The following CHRD variants were observed in gnomAD, a reference collection of about 807,000 sequenced individuals.
The protein encoded by CHRD is chordin.
A neutral mutation model predicts 113.7 loss-of-function variants in CHRD; 69 were observed. The ratio of observed to expected loss-of-function variants is 0.61; its 90% CI spans 0.50 to 0.74. The LOEUF (loss-of-function observed/expected upper bound fraction) is 0.74. Ranked by LOEUF, CHRD falls within the 30% of genes least tolerant of loss-of-function variation. CHRD has a pLI of 0.00. For synonymous variants in CHRD, 561 were observed against 540.8 expected (o/e 1.04, Z -0.52); for missense variants, 1,194 against 1,295.8 (o/e 0.92, Z 1.21).
chr3:184,384,530 C>T lies in CHRD; in HGVS notation c.1441-7C>T, dbSNP rs369795125. ...AGCTGAGAAGGCCTATCCTCCCCTG[C>T]CCCCAGGCCGTGGGTATCTGCCCTG... is the stretch of plus-strand genomic sequence containing the variant. On this transcript the variant is annotated splice_polypyrimidine_tract_variant and splice_region_variant and intron_variant, in intron 12 of 22. Transcript: ENST00000204604. The surrounding 1 kb of genome is among the most constrained non-coding windows in gnomAD (Gnocchi z 4.4). 4 of 1,516,982 alleles carry T rather than the reference C, an allele frequency of 2.6e-6. No individual in the cohort carries two copies. Among genetic ancestry groups the T allele is most frequent in the African/African-American group, 2.8e-5 (2 of 72,194 alleles). 94.0% of individuals were successfully genotyped at this position (1,516,982 alleles called of 1,614,324 possible). A position where few individuals can be genotyped will look rare whatever the true frequency, so the allele number is the denominator to read the frequency against.
intron 6 of CHRD, 100 bp downstream of exon 6, chr3:184,382,120 G>T: frequency 6.8e-7 from 1 of 1,474,876 alleles, no homozygotes; most frequent in Non-Finnish European, 9.4e-7. Context: ...CCCAGTGGGA[G>T]GAAGGCACTG....
Position 184,381,030 on chromosome 3 carries a change from A to T in CHRD, c.253-205A>T, listed in dbSNP as rs1387988083. On this transcript the variant is annotated intron_variant, in intron 2 of 22. Transcript: ENST00000204604. This position sits in a 1 kb window ranked among gnomAD's most constrained non-coding sequence, Gnocchi z 4.7. ...TTCGTTCCCTGCTCATCTAACTCTC[A>T]TGGCAGCCTTGCTAGATAGAGAGTA... The T allele has an allele frequency of 1.3e-6, 1 of 750,536 alleles. No homozygotes were observed. The highest frequency in any genetic ancestry group is 2.3e-6 in the Non-Finnish European group (1 of 429,438). The allele number at this position is 750,536 out of a possible 1,614,324, so 46.5% of individuals were successfully genotyped here.
Position 184,380,366 on chromosome 3 carries a change from G to T in CHRD, c.48G>T (p.Leu16=). 1 of 1,353,754 alleles carries T rather than the reference G, an allele frequency of 7.4e-7. No homozygotes were observed. The highest frequency in any genetic ancestry group is 2.7e-5 in the Admixed American group (1 of 36,388). The allele number at this position is 1,353,754 out of a possible 1,614,324, so 83.9% of individuals were successfully genotyped here. Reference sequence around the variant, plus strand: ...CGGCCCCGCTGCTGCTCCTCGGGCTGCTGCTGCTCGGCTCCCGGCCGGCCC... The same window carrying T: ...CGGCCCCGCTGCTGCTCCTCGGGCTTCTGCTGCTCGGCTCCCGGCCGGCCC... Residue 16 remains leucine, a synonymous_variant, in exon 1 of 23, where the codon CTG becomes CTT. Coordinates refer to ENST00000204604, the Ensembl canonical transcript of CHRD. This position sits in a 1 kb window ranked among gnomAD's most constrained non-coding sequence, Gnocchi z 6.3.
Position 184,387,433 on chromosome 3 carries a change from G to A in CHRD, c.2407G>A (p.Val803Met). 3.1e-6 allele frequency: 5 copies of A among 1,612,824 alleles called. No individual in the cohort carries two copies. The highest frequency in any genetic ancestry group is 4.2e-6 in the Non-Finnish European group (5 of 1,179,596). Residue 803 changes from valine (V) to methionine (M), a missense_variant, in exon 19 of 23, where the codon GTG (valine) becomes ATG (methionine). By Grantham distance (21) the Val-to-Met change is conservative. Transcript: ENST00000204604. This position sits in a 1 kb window ranked among gnomAD's most constrained non-coding sequence, Gnocchi z 6.1. ...AGCGGGTACGCGGTGGCACCCCGTT[G>A]TGCCCCCCTTTGGCTTAATTAAGTG...
rs560527903 is a variant in CHRD at position 184,387,723 on chromosome 3, C to T, written c.2452-208C>T. On this transcript the variant is annotated intron_variant, in intron 19 of 22. Transcript: ENST00000204604. The surrounding 1 kb of genome is among the most constrained non-coding windows in gnomAD (Gnocchi z 6.1). ...ACCCTAGGCACCTTCTGTCCCTGAG[C>T]CTCACTTTCCTCTCCTGTAAGCAGA... Among the ~76,000 whole-genome samples the T allele has an allele frequency of 2.0e-5, 3 of 152,206 alleles. No individual in the cohort carries two copies. The highest frequency in any genetic ancestry group is 4.4e-5 in the Non-Finnish European group (3 of 68,038).
chr3:184,386,640 G>A (rs1467309193), exon 16 of CHRD: 3 of 1,610,098 alleles, frequency 1.9e-6, no homozygotes, highest in East Asian at 2.2e-5. Context: ...GCCAAACCTG[G>A]TGGTCCTGGG....
At chr3:184,382,552 G>T (rs949070132) in intron 7 of CHRD, 22 bp downstream of exon 7, 8 of 1,613,220 alleles carry the variant, frequency 5.0e-6, no homozygotes, top group Non-Finnish European at 5.9e-6. Flanking sequence ...AGAGCCCCGG[G>T]CGTGAAGTTC....
Position 184,383,648 on chromosome 3 carries a change from G to A in CHRD, c.1440+6G>A. On this transcript the variant is annotated splice_donor_region_variant and intron_variant, in intron 12 of 22. Coordinates refer to ENST00000204604, the Ensembl canonical transcript of CHRD. ...TCCAGCCAGGAGGACACACGGTGAG[G>A]GCTCCAGGTGGAGCTGGACCCCAGG... The A allele has an allele frequency of 6.2e-7, 1 of 1,602,782 alleles. No homozygotes were observed. The highest frequency in any genetic ancestry group is 1.1e-5 in the South Asian group (1 of 89,304).
chr3:184,387,567 G>T lies in CHRD; in HGVS notation c.2451+90G>T, dbSNP rs764403202. On this transcript the variant is annotated intron_variant, in intron 19 of 22. Coordinates refer to ENST00000204604, the Ensembl canonical transcript of CHRD. The surrounding 1 kb of genome is among the most constrained non-coding windows in gnomAD (Gnocchi z 6.1). ...GCCAGGTGAGGAAGGCCCGTCCTTG[G>T]TGAGGAGGGCTCAAGAATCAAAACG... 2.1e-4 allele frequency: 255 copies of T among 1,201,032 alleles called. No individual in the cohort carries two copies. The highest frequency in any genetic ancestry group is 2.7e-4 in the Non-Finnish European group (235 of 871,592). 74.4% of individuals were successfully genotyped at this position (1,201,032 alleles called of 1,614,324 possible). A position where few individuals can be genotyped will look rare whatever the true frequency, so the allele number is the denominator to read the frequency against.
chr3:184,384,457 T>C lies in CHRD; in HGVS notation c.1441-80T>C. The C allele has an allele frequency of 2.9e-6, 4 of 1,356,158 alleles. No homozygotes were observed. The highest frequency in any genetic ancestry group is 3.8e-6 in the Non-Finnish European group (4 of 1,050,776). The allele number at this position is 1,356,158 out of a possible 1,614,324, so 84.0% of individuals were successfully genotyped here. ...TGTGTGGAAGTGTGTGTGGGTGGAG[T>C]GGGGGCACAAAATGGTCCAAGACTT... On this transcript the variant is annotated intron_variant, in intron 12 of 22. Transcript: ENST00000204604. This position sits in a 1 kb window ranked among gnomAD's most constrained non-coding sequence, Gnocchi z 4.4.
intron 15 of CHRD, 91 bp from the exon 16 acceptor site, chr3:184,386,401 G>A (rs1007418973): frequency 1.3e-6 from 2 of 1,495,512 alleles, no homozygotes; most frequent in Non-Finnish European, 1.8e-6. Context: ...GCGCTCAGGG[G>A]GCCGAGGTGT....
At chr3:184,382,514 C>T (rs1366128732) in exon 7 of CHRD, 5 of 1,613,808 alleles carry the variant, frequency 3.1e-6, no homozygotes, top group Non-Finnish European at 4.2e-6. Flanking sequence ...TCATCCGGCA[C>T]CGGGCCCTGG....
rs772526782 is a variant in CHRD at position 184,381,972 on chromosome 3, T to G, written c.651T>G (p.Asn217Lys). The change falls in exon 6 of 23, where the codon AAT (asparagine) becomes AAG (lysine). Residue 217 changes from asparagine to lysine, a missense_variant. By Grantham distance (94) the Asn-to-Lys change is moderately conservative (BLOSUM62 0). Coordinates refer to ENST00000204604, the Ensembl canonical transcript of CHRD. The surrounding 1 kb of genome is among the most constrained non-coding windows in gnomAD (Gnocchi z 4.7). ...CCAGGATCCGCTTCTCAGACTCCAA[T>G]GGCAGTGTCCTGTTTGAGCACCCTG... is the stretch of plus-strand genomic sequence containing the variant. The G allele has an allele frequency of 1.9e-6, 3 of 1,614,052 alleles. No individual in the cohort carries two copies. The Admixed American group carries it at 5.0e-5, about 27-fold the overall frequency.
At chr3:184,385,289 T>C (rs551856144) in intron 14 of CHRD, 51 bp downstream of exon 14, 1 of 1,396,302 alleles carries the variant, frequency 7.2e-7, no homozygotes, top group South Asian at 1.2e-5. Context: ...TTTTTTAGCT[T>C]GAAGGGCTGT....
Position 184,384,231 on chromosome 3 carries a change from G to GCTA in CHRD, c.1441-303_1441-301dup, listed in dbSNP as rs149745864. Among the ~76,000 whole-genome samples the GCTA allele has an allele frequency of 0.017, 2,608 of 152,338 alleles. 41 individuals are homozygous for GCTA. Among genetic ancestry groups the GCTA allele is most frequent in the Non-Finnish European group, 0.026 (1,764 of 68,046 alleles). ...ATTAGTAAATGTAATGGCAATGGTT[G>GCTA]CTACTTATAGGGCCTTTCCATGTGC... On this transcript the variant is annotated intron_variant, in intron 12 of 22. Transcript: ENST00000204604. This position sits in a 1 kb window ranked among gnomAD's most constrained non-coding sequence, Gnocchi z 4.4.
rs1239844417 is a variant in CHRD, at chr3:184,382,543, G to A, written c.841+13G>A. 3.7e-6 allele frequency: 6 copies of A among 1,613,506 alleles called. No individual in the cohort carries two copies. Among genetic ancestry groups the A allele is most frequent in the Non-Finnish European group, 5.1e-6 (6 of 1,179,934 alleles). The stretch of plus-strand genomic sequence containing the variant: ...GCCCTGGCTGCAGGTAGGGAGCAAA[G>A]AGCCCCGGGCGTGAAGTTCTGAGTC... On this transcript the variant is annotated intron_variant, in intron 7 of 22. Transcript: ENST00000204604.
Position 184,384,861 on chromosome 3 carries a change from G to A in CHRD, c.1598-157G>A. 8.3e-7 allele frequency: 1 copy of A among 1,199,038 alleles called. No individual in the cohort carries two copies. The highest frequency in any genetic ancestry group is 1.2e-6 in the Non-Finnish European group (1 of 856,248). 74.3% of individuals were successfully genotyped at this position (1,199,038 alleles called of 1,614,324 possible). On this transcript the variant is annotated intron_variant, in intron 13 of 22. Transcript: ENST00000204604. This position sits in a 1 kb window ranked among gnomAD's most constrained non-coding sequence, Gnocchi z 4.4. Reference sequence around the variant, plus strand: ...GCTGGCGGACTCTTCCTGTTGCTGAGGTTCAAGGGTCTAAAACTTGCTGCT... The same window carrying A: ...GCTGGCGGACTCTTCCTGTTGCTGAAGTTCAAGGGTCTAAAACTTGCTGCT...
Position 184,381,638 on chromosome 3 carries a change from G to C in CHRD, c.511+14G>C. ...ACGGCCACACGGGTAGGGGGCTGGC[G>C]AACAGCGGGGTTGTGGTTGAGGCTG... On this transcript the variant is annotated intron_variant, in intron 4 of 22. Coordinates refer to ENST00000204604, the Ensembl canonical transcript of CHRD. This position sits in a 1 kb window ranked among gnomAD's most constrained non-coding sequence, Gnocchi z 4.7. 2 of 1,603,718 alleles carry C rather than the reference G, an allele frequency of 1.2e-6. No individual in the cohort carries two copies. Among genetic ancestry groups the C allele is most frequent in the Non-Finnish European group, 1.7e-6 (2 of 1,174,490 alleles).
intron 17 of CHRD, 31 bp downstream of exon 17, chr3:184,386,969 A>G (rs1577407433): frequency 1.9e-6 from 3 of 1,613,610 alleles, no homozygotes; most frequent in African/African-American, 1.3e-5. Flanking sequence ...TGGAGGGAGG[A>G]GTTGGCCCAG....
Sources: gnomAD v4.1 joint callset for allele counts (sites outside exome capture counted in the v4.1 genomes callset) on GRCh38, gnomAD v4.1.1 for gene constraint, Gnocchi (gnomAD v3.1) non-coding constraint, MANE v1.5 for transcripts, NCBI Gene and HGNC (gene_info 2026-07-23, HGNC 2026-07-21) for gene names.